LRRTM4: variants seen among roughly 807,000 people sequenced by gnomAD.
LRRTM4 encodes the protein leucine rich repeat transmembrane neuronal 4, also known as leucine-rich repeat transmembrane neuronal protein 4.
A neutral mutation model predicts 47.6 loss-of-function variants in LRRTM4; 25 were observed. That is an observed-to-expected ratio of 0.53 (90% confidence interval 0.38 to 0.73). The LOEUF is 0.73. LRRTM4 is among the 30% of genes least tolerant of loss of function. The pLI is 0.00. For missense variants in LRRTM4, 638 were observed against 713.4 expected (o/e 0.89, Z 1.20); for synonymous variants, 311 against 269.5 (o/e 1.15, Z -1.51).
chr2:77,232,448 T>TA (rs1553413172), intron 3 of LRRTM4, among the ~76,000 whole-genome samples: 2 of 152,230 alleles, frequency 1.3e-5, no homozygotes, highest in Non-Finnish European at 2.9e-5. Flanking sequence ...CAGAGCATGA[T>TA]ACAAAATATT....
intron 3 of LRRTM4, among the ~76,000 whole-genome samples, chr2:77,442,109 G>A (rs1270918318): frequency 6.6e-6 from 1 of 152,108 alleles, no homozygotes; most frequent in East Asian, 1.9e-4. Flanking sequence ...GAAAGACATG[G>A]TCACAGAGGA....
chr2:76,970,197 G>A (rs1053515639), intron 3 of LRRTM4, among the ~76,000 whole-genome samples: 3 of 151,970 alleles, frequency 2.0e-5, no homozygotes, highest in African/African-American at 7.2e-5. Flanking sequence ...TGATAATTTT[G>A]TATAAGTGTA....
At chr2:77,367,078 T>TTCTC (rs1344619443) in intron 3 of LRRTM4, among the ~76,000 whole-genome samples, 2 of 151,884 alleles carry the variant, frequency 1.3e-5, no homozygotes, top group African/African-American at 4.8e-5. Flanking sequence ...ATCTCTCATA[T>TTCTC]TCTCTATGTC....
At chr2:76,829,653 G>A (rs72819220) in intron 3 of LRRTM4, among the ~76,000 whole-genome samples, 1 of 152,098 alleles carries the variant, frequency 6.6e-6, no homozygotes, top group Non-Finnish European at 1.5e-5. Flanking sequence ...TTAAATAAAT[G>A]TATGTGGAGG....
chr2:77,354,179 T>C (rs1481216967), intron 3 of LRRTM4, among the ~76,000 whole-genome samples: 1 of 152,120 alleles, frequency 6.6e-6, no homozygotes, highest in Non-Finnish European at 1.5e-5. Context: ...GGTCATGTCT[T>C]AAGGAGAGAT....
intron 3 of LRRTM4, among the ~76,000 whole-genome samples, chr2:77,187,149 G>T (rs995249555): frequency 6.6e-6 from 1 of 152,220 alleles, no homozygotes; most frequent in East Asian, 1.9e-4. Context: ...AGGAAAGGAA[G>T]TCTGTAGCCA....
chr2:76,983,254 T>C lies in LRRTM4; in HGVS notation c.1552-234338A>G, dbSNP rs189526720. Among the ~76,000 whole-genome samples the C allele has an allele frequency of 4.0e-4, 61 of 152,118 alleles. 1 individual carries two copies. The highest frequency in any genetic ancestry group is 2.7e-3 in the Admixed American group (41 of 15,256). On this transcript the variant is annotated intron_variant, in intron 3 of 3. Transcript: ENST00000409884. ...AGAAAGGTCAAAATTGGCCTTAAAT[T>C]TCTAATCCATTTTATAGACCCTAAG...
At chr2:76,982,817 C>T (rs917037656) in intron 3 of LRRTM4, among the ~76,000 whole-genome samples, 1 of 152,114 alleles carries the variant, frequency 6.6e-6, no homozygotes, top group East Asian at 1.9e-4. Flanking sequence ...AAATAGGACA[C>T]ACTTGTCAAA....
chr2:77,052,802 C>T (rs1410156180), intron 3 of LRRTM4, among the ~76,000 whole-genome samples: 1 of 151,870 alleles, frequency 6.6e-6, no homozygotes, highest in African/African-American at 2.4e-5. Context: ...ACAAAGGACG[C>T]TGACACAGAA....
chr2:77,318,811 A>T (rs565375089), intron 3 of LRRTM4, among the ~76,000 whole-genome samples: 1 of 152,318 alleles, frequency 6.6e-6, no homozygotes, highest in African/African-American at 2.4e-5. Context: ...AATTAACACT[A>T]GAAAACTAAG....
intron 3 of LRRTM4, among the ~76,000 whole-genome samples, chr2:77,120,839 G>A (rs1671503700): frequency 6.6e-6 from 1 of 151,828 alleles, no homozygotes; most frequent in African/African-American, 2.4e-5. Flanking sequence ...GTCAGTGGAG[G>A]AGAGCCTTTT....
chr2:76,905,512 C>A lies in LRRTM4; in HGVS notation c.1552-156596G>T, dbSNP rs545795924. 7.7e-3 allele frequency among the ~76,000 whole-genome samples: 1,176 copies of A among 152,174 alleles called. 18 individuals are homozygous for A. Among genetic ancestry groups the A allele is most frequent in the African/African-American group, 0.027 (1,120 of 41,504 alleles). On this transcript the variant is annotated intron_variant, in intron 3 of 3. Transcript: ENST00000409884. Reference sequence around the variant, plus strand: ...AAAGCTGGACGGAGAATGACTTTGACGAGTTGAGAGAAGAAGGCTTCAGAC... The same window carrying A: ...AAAGCTGGACGGAGAATGACTTTGAAGAGTTGAGAGAAGAAGGCTTCAGAC...
At chr2:77,169,595 G>A (rs939670754) in intron 3 of LRRTM4, among the ~76,000 whole-genome samples, 1 of 152,032 alleles carries the variant, frequency 6.6e-6, no homozygotes, top group Non-Finnish European at 1.5e-5. Flanking sequence ...TTGTGGAAGT[G>A]GGTTCTTGAT....
Position 77,332,999 on chromosome 2 carries a change from G to A in LRRTM4, c.1551+185319C>T, listed in dbSNP as rs150773234. On this transcript the variant is annotated intron_variant, in intron 3 of 3. Transcript: ENST00000409884. Reference sequence around the variant, plus strand: ...TCTTTCCTGGGCTGTTCTCACGTTAGTGAATGAGTCTCATGATATCTGATA... The same window carrying A: ...TCTTTCCTGGGCTGTTCTCACGTTAATGAATGAGTCTCATGATATCTGATA... Among the ~76,000 whole-genome samples, 838 of 152,282 alleles carry A rather than the reference G, an allele frequency of 5.5e-3. 6 individuals carry two copies. Among genetic ancestry groups the A allele is most frequent in the Middle Eastern group, 0.014 (4 of 294 alleles).
At chr2:77,103,649 A>ATATATATATATATATATATC (rs1671016256) in intron 3 of LRRTM4, among the ~76,000 whole-genome samples, 1 of 141,478 alleles carries the variant, frequency 7.1e-6, no homozygotes, top group African/African-American at 2.7e-5. Flanking sequence ...ACATGAGTGT[A>ATATATATATATATATATATC]TATATATATA....
intron 3 of LRRTM4, among the ~76,000 whole-genome samples, chr2:76,919,248 T>G (rs72821280): frequency 0.13 from 19,593 of 152,214 alleles, 1,718 homozygotes; most frequent in East Asian, 0.46. Context: ...ACTCAGCTCT[T>G]AAGACTTCAA....
At chr2:77,151,458 A>C (rs1672428720) in intron 3 of LRRTM4, among the ~76,000 whole-genome samples, 1 of 152,226 alleles carries the variant, frequency 6.6e-6, no homozygotes, top group African/African-American at 2.4e-5. Context: ...ATTTCCAAAA[A>C]TACTGGAATC....
chr2:76,999,645 A>G (rs1677342459), intron 3 of LRRTM4, among the ~76,000 whole-genome samples: 2 of 152,088 alleles, frequency 1.3e-5, no homozygotes, highest in Non-Finnish European at 2.9e-5. Flanking sequence ...TTAAAAGTTG[A>G]TTCACTTAAG....
chr2:76,784,958 T>TCAGAATGTATCA (rs750966430), intron 3 of LRRTM4, among the ~76,000 whole-genome samples: 1 of 152,110 alleles, frequency 6.6e-6, no homozygotes, highest in Non-Finnish European at 1.5e-5. Flanking sequence ...AGATTGCACT[T>TCAGAATGTATCA]CAGAATGTAT....
Sources: gnomAD v4.1 joint callset for allele counts (sites outside exome capture counted in the v4.1 genomes callset) on GRCh38, gnomAD v4.1.1 for gene constraint, MANE v1.5 for transcripts, NCBI Gene and HGNC (gene_info 2026-07-23, HGNC 2026-07-21) for gene names.